CSMD1: variants seen among roughly 807,000 people sequenced by gnomAD.
CSMD1 encodes CUB and sushi domain-containing protein 1.
CSMD1 carries 213 observed loss-of-function variants against 417.5 expected under a neutral mutation model. The ratio of observed to expected loss-of-function variants is 0.51; its 90% CI spans 0.46 to 0.57. CSMD1 has a LOEUF of 0.57. Ranked by LOEUF, CSMD1 falls within the 20% of genes least tolerant of loss-of-function variation. The pLI is 0.00. For missense variants in CSMD1, 6,923 were observed against 4,529.7 expected, an observed-to-expected ratio of 1.53 and a Z score of -15.17; for synonymous variants, 2,862 against 1,736.8, an observed-to-expected ratio of 1.65 and a Z score of -16.11.
chr8:4,794,825 A>G (rs1430109630), intron 1 of CSMD1, among the ~76,000 whole-genome samples: 5 of 152,208 alleles, frequency 3.3e-5, no homozygotes, highest in African/African-American at 9.7e-5. Flanking sequence ...CCAAGTTACA[A>G]TTTAGGAAAA....
chr8:3,876,414 A>T (rs28463615), intron 5 of CSMD1, among the ~76,000 whole-genome samples: 8,118 of 152,236 alleles, frequency 0.053, 583 homozygotes, highest in African/African-American at 0.16. Context: ...AGAATTCTGC[A>T]CTTAGAAGCC....
At position 3,064,019 on chromosome 8, in the gene CSMD1, C is replaced by T. The variant is rs553514988; in HGVS notation, c.7475-11372G>A. Among the ~76,000 whole-genome samples the T allele has an allele frequency of 1.9e-4, 29 of 152,280 alleles. No individual in the cohort carries two copies. The South Asian group carries it at 5.8e-3, about 30-fold the overall frequency. On this transcript the variant is annotated intron_variant, in intron 49 of 69. Transcript: ENST00000635120. The stretch of plus-strand genomic sequence containing the variant: ...CATTAGGATAAAGTTAGATAGGGAA[C>T]ATTAAGTCTTGCTGCACAATAGCCA...
At chr8:4,901,990 T>A (rs1040018946) in intron 1 of CSMD1, among the ~76,000 whole-genome samples, 1 of 152,160 alleles carries the variant, frequency 6.6e-6, no homozygotes, top group African/African-American at 2.4e-5. Flanking sequence ...ACCTCAAACA[T>A]CATTTAAGAG....
intron 3 of CSMD1, among the ~76,000 whole-genome samples, chr8:4,300,932 C>T (rs1444274855): frequency 2.0e-5 from 3 of 152,112 alleles, no homozygotes; most frequent in South Asian, 2.1e-4. Context: ...TCCAGACTAT[C>T]GTTGTTGGAC....
At chr8:3,399,360 G>A (rs772021127) in intron 16 of CSMD1, 31 bp downstream of exon 16, 2 of 1,568,030 alleles carry the variant, frequency 1.3e-6, no homozygotes, top group African/African-American at 1.4e-5. Context: ...ACACACCATT[G>A]GGTCCAAATG....
At chr8:3,976,668 C>A (rs994975278) in intron 5 of CSMD1, among the ~76,000 whole-genome samples, 2 of 152,282 alleles carry the variant, frequency 1.3e-5, no homozygotes, top group East Asian at 1.9e-4. Context: ...AGCTTTCTTG[C>A]GCATTCCCTA....
chr8:4,671,816 C>G (rs767768474), intron 1 of CSMD1, among the ~76,000 whole-genome samples: 2 of 152,048 alleles, frequency 1.3e-5, no homozygotes, highest in Admixed American at 6.6e-5. Context: ...AAGGAGCCAG[C>G]GAAAAACTTA....
In CSMD1 at chr8:4,343,787, G is replaced by A. The variant is rs75869603; in HGVS notation, c.415+76166C>T. 6.5e-4 allele frequency among the ~76,000 whole-genome samples: 99 copies of A among 152,050 alleles called. 1 individual carries two copies. In the East Asian group the frequency reaches 0.017, roughly 25 times the overall value. On this transcript the variant is annotated intron_variant, in intron 3 of 69. Transcript: ENST00000635120. The stretch of plus-strand genomic sequence containing the variant: ...TCATCTTTCTCATCCTACACGTTCC[G>A]TATTAGAAATATGTGGAACAGTTCT...
At chr8:4,454,839 T>C (rs1355100655) in intron 2 of CSMD1, among the ~76,000 whole-genome samples, 2 of 152,098 alleles carry the variant, frequency 1.3e-5, no homozygotes, top group Non-Finnish European at 2.9e-5. Flanking sequence ...GCAAAGGTTT[T>C]TTTCCACAGT....
chr8:4,039,085 G>A (rs1309100931), intron 3 of CSMD1, among the ~76,000 whole-genome samples: 2 of 152,064 alleles, frequency 1.3e-5, no homozygotes, highest in African/African-American at 2.4e-5. Context: ...ATTACTACAT[G>A]GGACAAGGCT....
rs535343236 is a variant in CSMD1, at chr8:3,378,025, C to G, written c.2783-8655G>C. Reference sequence around the variant, plus strand: ...AATGCTCATCAAGGCTGAGTGTGACCTGGTCTTGGAGGTTGAAAATGATTT... The same window carrying G: ...AATGCTCATCAAGGCTGAGTGTGACGTGGTCTTGGAGGTTGAAAATGATTT... On this transcript the variant is annotated intron_variant, in intron 18 of 69. Transcript: ENST00000635120. Among the ~76,000 whole-genome samples the G allele has an allele frequency of 2.0e-5, 3 of 152,194 alleles. No homozygotes were observed. The South Asian group carries it at 6.2e-4, about 32-fold the overall frequency.
At chr8:4,257,613 A>G (rs893268488) in intron 3 of CSMD1, among the ~76,000 whole-genome samples, 5 of 152,190 alleles carry the variant, frequency 3.3e-5, no homozygotes, top group Non-Finnish European at 7.3e-5. Context: ...AATTTGGTGA[A>G]AAGTTTGTCC....
chr8:4,343,671 T>A (rs1353290140), intron 3 of CSMD1, among the ~76,000 whole-genome samples: 1 of 152,166 alleles, frequency 6.6e-6, no homozygotes. Context: ...AGTCTGTGTC[T>A]GGTGATCTGA....
Position 4,266,108 on chromosome 8 carries a change from G to A in CSMD1, c.415+153845C>T, listed in dbSNP as rs1243510753. 1.9e-5 allele frequency among the ~76,000 whole-genome samples: 2 copies of A among 102,988 alleles called. 1 individual carries two copies. Among genetic ancestry groups the A allele is most frequent in the Non-Finnish European group, 5.2e-5 (2 of 38,548 alleles). The allele number at this position is 102,988 out of a possible 152,430, so 67.6% of individuals were successfully genotyped here. A position where few individuals can be genotyped will look rare whatever the true frequency, so the allele number is the denominator to read the frequency against. On this transcript the variant is annotated intron_variant, in intron 3 of 69. Transcript: ENST00000635120. The stretch of plus-strand genomic sequence containing the variant: ...CTCACCAGGCATATTAGCTGATATT[G>A]ATCATTTGGAACTGACTTAAAACCA...
chr8:3,154,694 A>G (rs943686793), intron 39 of CSMD1, among the ~76,000 whole-genome samples: 1 of 152,172 alleles, frequency 6.6e-6, no homozygotes, highest in Non-Finnish European at 1.5e-5. Flanking sequence ...CTGCGAGACC[A>G]TTCTGGGGCT....
intron 3 of CSMD1, among the ~76,000 whole-genome samples, chr8:4,363,867 G>C (rs576555495): frequency 1.3e-5 from 2 of 152,250 alleles, no homozygotes; most frequent in East Asian, 3.9e-4. Context: ...AGAACTCATG[G>C]ACATAGAGAG....
chr8:4,347,262 G>C (rs991890575), intron 3 of CSMD1, among the ~76,000 whole-genome samples: 3 of 151,982 alleles, frequency 2.0e-5, no homozygotes, highest in African/African-American at 7.3e-5. Context: ...CCACGATTTG[G>C]GGTAATCTCA....
intron 2 of CSMD1, among the ~76,000 whole-genome samples, chr8:4,616,626 GACA>G (rs1218840259): frequency 6.6e-6 from 1 of 152,138 alleles, no homozygotes; most frequent in Non-Finnish European, 1.5e-5. Flanking sequence ...AGCAACTACT[GACA>G]GCTGACATTG....
At chr8:4,409,264 T>G (rs949575059) in intron 3 of CSMD1, among the ~76,000 whole-genome samples, 1 of 152,226 alleles carries the variant, frequency 6.6e-6, no homozygotes, top group African/African-American at 2.4e-5. Context: ...ACTTCCTACT[T>G]ATTTCCAGTG....
Sources: allele counts gnomAD v4.1 joint callset (sites outside exome capture counted in the v4.1 genomes callset), GRCh38; gene constraint gnomAD v4.1.1; transcripts MANE v1.5; gene names NCBI Gene and HGNC (gene_info 2026-07-23, HGNC 2026-07-21).